The following MTARC1 variants were observed in gnomAD, a reference collection of about 807,000 sequenced individuals.
MTARC1 encodes the protein mitochondrial amidoxime reducing component 1, also known as mitochondrial amidoxime-reducing component 1.
Under a neutral mutation model 33.6 loss-of-function variants are expected in MTARC1, and 24 were observed. That is an observed-to-expected ratio of 0.72 (90% CI 0.52 to 1.01). MTARC1 has a LOEUF of 1.01. MTARC1 is among the 50% of genes least tolerant of loss of function. The probability of loss-of-function intolerance (pLI) is 0.00; values close to 1 mark genes in which losing one functional copy is unlikely to be tolerated. For synonymous variants in MTARC1, 187 were observed against 189.5 expected, an observed-to-expected ratio of 0.99 and a Z score of 0.11; for missense variants, 417 against 445.7, an observed-to-expected ratio of 0.94 and a Z score of 0.58.
At chr1:220,800,370 AG>A (rs1672755083) in intron 4 of MTARC1, among the ~76,000 whole-genome samples, 2 of 152,018 alleles carry the variant, frequency 1.3e-5, no homozygotes, top group African/African-American at 4.8e-5. Flanking sequence ...CAAGGGTTGA[AG>A]AAATGCACTT....
At chr1:220,787,444 G>A (rs1211787010) in intron 1 of MTARC1, among the ~76,000 whole-genome samples, 1 of 152,162 alleles carries the variant, frequency 6.6e-6, no homozygotes, top group Non-Finnish European at 1.5e-5. Context: ...CCGTTTTCCC[G>A]GGGTGGGCGG....
chr1:220,792,839 A>T (rs1237390712), intron 2 of MTARC1, among the ~76,000 whole-genome samples: 3 of 152,164 alleles, frequency 2.0e-5, no homozygotes, highest in African/African-American at 7.2e-5. Context: ...ATCTTTAAGG[A>T]TACCATTTTT....
chr1:220,788,691 A>T (rs779727660), intron 1 of MTARC1, among the ~76,000 whole-genome samples: 1 of 151,796 alleles, frequency 6.6e-6, no homozygotes, highest in Non-Finnish European at 1.5e-5. Context: ...CGGGAGACTG[A>T]GGCAGGAGAA....
chr1:220,800,447 G>A (rs1317533461), intron 4 of MTARC1, among the ~76,000 whole-genome samples: 3 of 152,190 alleles, frequency 2.0e-5, no homozygotes, highest in African/African-American at 7.2e-5. Context: ...ATATGGCCAG[G>A]AGGGTGGCGA....
intron 4 of MTARC1, among the ~76,000 whole-genome samples, chr1:220,801,921 C>A (rs1571674652): frequency 6.6e-6 from 1 of 152,210 alleles, no homozygotes; most frequent in East Asian, 1.9e-4. Flanking sequence ...GCACTCCCCA[C>A]ACACATTTCT....
intron 2 of MTARC1, among the ~76,000 whole-genome samples, chr1:220,791,951 A>G (rs1265291373): frequency 6.6e-6 from 1 of 151,516 alleles, no homozygotes; most frequent in African/African-American, 2.4e-5. Context: ...AAATAACAGC[A>G]CCCAAAGATC....
rs12035780 is a variant in MTARC1, at chr1:220,800,366, T to C, written c.753+2352T>C. Among the ~76,000 whole-genome samples, 75 of 152,036 alleles carry C rather than the reference T, an allele frequency of 4.9e-4. 1 individual carries two copies. The East Asian group carries it at 0.012, about 24-fold the overall frequency. ...GTGAATAGACACATGAGAACAAGGGTTGAAGAAATGCACTTGCTTCTCCTA... is the reference window on the plus strand; with the variant it reads ...GTGAATAGACACATGAGAACAAGGGCTGAAGAAATGCACTTGCTTCTCCTA... On this transcript the variant is annotated intron_variant, in intron 4 of 6. Coordinates refer to ENST00000366910, the MANE Select transcript of MTARC1 (RefSeq NM_022746.4).
In MTARC1 at chr1:220,813,532, G is replaced by T; in HGVS notation, c.*114G>T. The T allele has an allele frequency of 7.0e-7, 1 of 1,435,440 alleles. No homozygotes were observed. The highest frequency in any genetic ancestry group is 9.4e-7 in the Non-Finnish European group (1 of 1,062,674). 88.9% of individuals were successfully genotyped at this position (1,435,440 alleles called of 1,614,324 possible). A position where few individuals can be genotyped will look rare whatever the true frequency, so the allele number is the denominator to read the frequency against. ...ACCTCTACATTTTCTTTAAATTTGTGATTTTCACATTTTTCGTCTTTTGGA... is the reference window on the plus strand; with the variant it reads ...ACCTCTACATTTTCTTTAAATTTGTTATTTTCACATTTTTCGTCTTTTGGA... On this transcript the variant is annotated 3_prime_UTR_variant, in exon 7 of 7. Transcript: ENST00000366910.
At chr1:220,791,749 G>A in intron 2 of MTARC1, 85 bp downstream of exon 2, 1 of 1,431,586 alleles carries the variant, frequency 7.0e-7, no homozygotes. Flanking sequence ...GGAATGCTGA[G>A]AAACATATCA....
At position 220,791,552 on chromosome 1, in the gene MTARC1, G is replaced by A; in HGVS notation, c.337G>A (p.Val113Ile). 6.2e-7 allele frequency: 1 copy of A among 1,614,140 alleles called. No individual in the cohort carries two copies. Among genetic ancestry groups the A allele is most frequent in the Non-Finnish European group, 8.5e-7 (1 of 1,180,048 alleles). Reference protein sequence around the residue: ...MVTARQEPRLVLISLTCDGDT... With the variant: ...MVTARQEPRLILISLTCDGDT... ...TACTGCTCGCCAGGAACCTCGCCTG[G>A]TCCTGATTTCCCTGACCTGCGATGG... is the stretch of plus-strand genomic sequence containing the variant. The change falls in exon 2 of 7, where the codon GTC becomes ATC. Residue 113 changes from valine to isoleucine, a missense_variant. Coordinates refer to ENST00000366910, the MANE Select transcript of MTARC1 (RefSeq NM_022746.4).
chr1:220,792,400 A>G (rs1672453306), intron 2 of MTARC1, among the ~76,000 whole-genome samples: 1 of 152,212 alleles, frequency 6.6e-6, no homozygotes, highest in South Asian at 2.1e-4. Context: ...TATTCTTGTT[A>G]TAGTTTCTGC....
At chr1:220,798,496 A>G in intron 4 of MTARC1, 7 of 985,422 alleles carry the variant, frequency 7.1e-6, no homozygotes, top group Non-Finnish European at 8.4e-6. Flanking sequence ...TTGCAGTGCC[A>G]CCTTCCATCT....
intron 1 of MTARC1, among the ~76,000 whole-genome samples, chr1:220,788,301 C>T (rs1029795223): frequency 6.6e-6 from 1 of 152,160 alleles, no homozygotes; most frequent in African/African-American, 2.4e-5. Context: ...AGGCCAGCCT[C>T]GGGTCTTATT....
In MTARC1 at chr1:220,796,667, C is replaced by G; in HGVS notation, c.474C>G (p.Gly158=). Residue 158 remains glycine (G), a synonymous_variant, in exon 3 of 7, where the codon GGC becomes GGG. Transcript: ENST00000366910. Reference sequence around the variant, plus strand: ...GAGTGCACGGCCTGGAGATAGAGGGCAGGGACTGTGGCGAGGCCACCGCCC... The same window carrying G: ...GAGTGCACGGCCTGGAGATAGAGGGGAGGGACTGTGGCGAGGCCACCGCCC... The part of the protein sequence containing the change: ...KCRVHGLEIE[G]RDCGEATAQW... The G allele has an allele frequency of 6.2e-7, 1 of 1,609,148 alleles. No homozygotes were observed. The highest frequency in any genetic ancestry group is 8.5e-7 in the Non-Finnish European group (1 of 1,178,044).
At chr1:220,811,249 A>G (rs185499904) in intron 6 of MTARC1, among the ~76,000 whole-genome samples, 88 of 152,386 alleles carry the variant, frequency 5.8e-4, no homozygotes, top group African/African-American at 1.7e-3. Flanking sequence ...AGGGCATTGC[A>G]GAAACCTGAT....
chr1:220,799,860 C>T lies in MTARC1; in HGVS notation c.753+1846C>T, dbSNP rs17008775. 3.7e-3 allele frequency among the ~76,000 whole-genome samples: 569 copies of T among 152,306 alleles called. 15 individuals carry two copies. The East Asian group carries it at 0.086, about 23-fold the overall frequency. ...ATCTGCTTCTTGCAGTTGTAAAACA[C>T]GGGCAGTTTCAATGACTCCCTCGCC... On this transcript the variant is annotated intron_variant, in intron 4 of 6. Transcript: ENST00000366910.
chr1:220,805,406 A>G (rs1460121240), intron 6 of MTARC1, 132 bp downstream of exon 6: 1 of 913,412 alleles, frequency 1.1e-6, no homozygotes, highest in African/African-American at 1.6e-5. Flanking sequence ...AGAGGGTCCC[A>G]TTAACGAGAT....
intron 6 of MTARC1, among the ~76,000 whole-genome samples, chr1:220,812,391 T>C (rs572891202): frequency 6.6e-6 from 1 of 152,276 alleles, no homozygotes; most frequent in African/African-American, 2.4e-5. Context: ...AACAGTGATA[T>C]AGTGCAGTGT....
intron 6 of MTARC1, among the ~76,000 whole-genome samples, chr1:220,808,556 C>T (rs575036397): frequency 1.0e-3 from 153 of 152,330 alleles, no homozygotes; most frequent in Admixed American, 3.0e-3. Context: ...CACAGCCTCT[C>T]TGCTATTGGG....
Sources: gnomAD v4.1 joint callset for allele counts (sites outside exome capture counted in the v4.1 genomes callset) on GRCh38, gnomAD v4.1.1 for gene constraint, MANE v1.5 for transcripts, NCBI Gene and HGNC (gene_info 2026-07-23, HGNC 2026-07-21) for gene names.